BIRC6: variants seen among roughly 807,000 people sequenced by gnomAD.
The protein encoded by BIRC6 is baculoviral IAP repeat containing 6, also known as dual E2 ubiquitin-conjugating enzyme/E3 ubiquitin-protein ligase BIRC6.
Under a neutral mutation model 503.3 loss-of-function variants are expected in BIRC6, and 98 were observed. The ratio of observed to expected loss-of-function variants is 0.19; its 90% CI spans 0.17 to 0.23. The LOEUF is 0.23. BIRC6 is among the 10% of genes least tolerant of loss of function. The pLI, the probability that BIRC6 is intolerant of heterozygous loss-of-function variation, is 1.00. For missense variants in BIRC6, 5,360 were observed against 5,806.0 expected (o/e 0.92, Z 2.50); for synonymous variants, 2,240 against 2,078.7 (o/e 1.08, Z -2.11).
intron 10 of BIRC6, among the ~76,000 whole-genome samples, chr2:32,416,535 A>G (rs1007888755): frequency 6.6e-6 from 1 of 151,756 alleles, no homozygotes; most frequent in African/African-American, 2.4e-5. Flanking sequence ...AAGAAAGTCC[A>G]TTTCCTAGGC....
intron 65 of BIRC6, among the ~76,000 whole-genome samples, chr2:32,554,821 G>A (rs2058667055): frequency 6.6e-6 from 1 of 151,700 alleles, no homozygotes; most frequent in South Asian, 2.1e-4. Context: ...TATACTGTTT[G>A]AGAATAAGGT....
intron 29 of BIRC6, 69 bp from the exon 30 acceptor site, chr2:32,469,326 G>A (rs1322883075): frequency 8.9e-7 from 1 of 1,124,322 alleles, no homozygotes; most frequent in East Asian, 2.6e-5. Context: ...AGTGTATTTA[G>A]GCATGCGTAT....
chr2:32,402,761 G>A (rs1472021220), intron 8 of BIRC6, among the ~76,000 whole-genome samples: 1 of 152,086 alleles, frequency 6.6e-6, no homozygotes, highest in East Asian at 1.9e-4. Context: ...TTTCTTAGAA[G>A]TTAGTGGAAA....
chr2:32,520,736 G>C (rs535585345), intron 57 of BIRC6, among the ~76,000 whole-genome samples: 2 of 152,294 alleles, frequency 1.3e-5, no homozygotes, highest in East Asian at 3.9e-4. Context: ...AAAATCACTT[G>C]AACCCTAGAG....
At chr2:32,560,135 T>C (rs1436497036) in intron 65 of BIRC6, among the ~76,000 whole-genome samples, 3 of 152,206 alleles carry the variant, frequency 2.0e-5, no homozygotes, top group African/African-American at 7.2e-5. Flanking sequence ...AAAGCATACT[T>C]ACGTAACTAA....
chr2:32,480,012 G>T (rs960818456), intron 37 of BIRC6, among the ~76,000 whole-genome samples: 1 of 151,298 alleles, frequency 6.6e-6, no homozygotes, highest in Non-Finnish European at 1.5e-5. Context: ...TTATAAATTA[G>T]CATGTATAAT....
intron 65 of BIRC6, chr2:32,563,548 A>G (rs1455478874): frequency 6.6e-6 from 1 of 152,218 alleles, no homozygotes; most frequent in Non-Finnish European, 1.5e-5. Flanking sequence ...TTTTCCTCGT[A>G]TTAGTGTTTT....
intron 16 of BIRC6, among the ~76,000 whole-genome samples, chr2:32,440,632 G>A (rs1024604601): frequency 9.9e-5 from 15 of 152,048 alleles, no homozygotes; most frequent in African/African-American, 3.6e-4. Flanking sequence ...TTATAACTCT[G>A]AAGTAGGCAT....
chr2:32,547,646 T>C (rs2058144942), intron 63 of BIRC6, among the ~76,000 whole-genome samples: 1 of 152,188 alleles, frequency 6.6e-6, no homozygotes, highest in Non-Finnish European at 1.5e-5. Flanking sequence ...TAAACGTGTG[T>C]GTCTATTTCA....
At chr2:32,435,253 T>C (rs1481896821) in intron 13 of BIRC6, among the ~76,000 whole-genome samples, 1 of 152,202 alleles carries the variant, frequency 6.6e-6, no homozygotes, top group African/African-American at 2.4e-5. Context: ...GCAGATTGTT[T>C]CTTTAGGCAA....
At chr2:32,586,793 TG>T (rs1314023820) in intron 66 of BIRC6, among the ~76,000 whole-genome samples, 2 of 152,210 alleles carry the variant, frequency 1.3e-5, no homozygotes, top group African/African-American at 4.8e-5. Flanking sequence ...CAGGTCTTTC[TG>T]GGCACATTAC....
At chr2:32,540,653 A>G (rs1234563692) in intron 61 of BIRC6, among the ~76,000 whole-genome samples, 3 of 152,040 alleles carry the variant, frequency 2.0e-5, no homozygotes, top group Admixed American at 6.5e-5. Flanking sequence ...GAATCGTTAT[A>G]CTTGTGACAT....
intron 1 of BIRC6, among the ~76,000 whole-genome samples, chr2:32,375,948 G>A (rs1045903988): frequency 2.6e-5 from 4 of 152,014 alleles, no homozygotes; most frequent in African/African-American, 9.7e-5. Context: ...CTCTTTGGGA[G>A]GCCCAGGCGG....
intron 66 of BIRC6, among the ~76,000 whole-genome samples, chr2:32,575,709 G>A (rs935779452): frequency 9.9e-5 from 15 of 151,670 alleles, no homozygotes; most frequent in African/African-American, 3.4e-4. Flanking sequence ...AGGTTGCAGT[G>A]AGCCGAGATC....
At chr2:32,392,335 A>G (rs550887651) in intron 5 of BIRC6, among the ~76,000 whole-genome samples, 185 bp downstream of exon 5, 25 of 152,160 alleles carry the variant, frequency 1.6e-4, no homozygotes, top group African/African-American at 6.0e-4. Context: ...CTCAACTGCA[A>G]CCTCCGCCTC....
At chr2:32,520,741 C>G (rs569177403) in intron 57 of BIRC6, among the ~76,000 whole-genome samples, 3 of 152,264 alleles carry the variant, frequency 2.0e-5, no homozygotes, top group African/African-American at 7.2e-5. Context: ...CACTTGAACC[C>G]TAGAGGTGGA....
At chr2:32,521,645 T>G in intron 57 of BIRC6, among the ~76,000 whole-genome samples, 1 of 16,710 alleles carries the variant, frequency 6.0e-5, no homozygotes, top group East Asian at 4.4e-4. Flanking sequence ...ATTTTTGTAT[T>G]TTTTTTTTTT....
At chr2:32,403,928 GTTTT>G (rs55964632) in intron 8 of BIRC6, among the ~76,000 whole-genome samples, 1 of 130,668 alleles carries the variant, frequency 7.7e-6, no homozygotes, top group Non-Finnish European at 1.6e-5. Context: ...ATGTGTGTGT[GTTTT>G]TTTTTTTTTT....
chr2:32,614,565 C>T (rs1237835749), intron 73 of BIRC6, among the ~76,000 whole-genome samples: 13 of 152,228 alleles, frequency 8.5e-5, no homozygotes, highest in African/African-American at 2.7e-4. Flanking sequence ...CAGTGACTCA[C>T]GCCTATAATC....
Sources: gnomAD v4.1 joint callset for allele counts (sites outside exome capture counted in the v4.1 genomes callset) on GRCh38, gnomAD v4.1.1 for gene constraint, MANE v1.5 for transcripts, NCBI Gene and HGNC (gene_info 2026-07-23, HGNC 2026-07-21) for gene names.